Variants in PLCB4 observed in about 807,000 individuals in gnomAD.
PLCB4 encodes phospholipase C beta 4.
PLCB4 carries 77 observed loss-of-function variants against 178.8 expected under a neutral mutation model. The ratio of observed to expected loss-of-function variants is 0.43; its 90% CI spans 0.36 to 0.52. PLCB4 has a LOEUF of 0.52. Ranked by LOEUF, PLCB4 falls within the 20% of genes least tolerant of loss-of-function variation. The probability of loss-of-function intolerance (pLI) is 0.00; values close to 1 mark genes in which losing one functional copy is unlikely to be tolerated. For missense variants in PLCB4, 1,024 were observed against 1,453.4 expected (o/e 0.70, Z 4.80); for synonymous variants, 496 against 490.8 (o/e 1.01, Z -0.14).
intron 3 of PLCB4, among the ~76,000 whole-genome samples, chr20:9,300,147 T>C (rs1048581021): frequency 6.6e-6 from 1 of 152,170 alleles, no homozygotes; most frequent in Non-Finnish European, 1.5e-5. Flanking sequence ...TATTTAAAGA[T>C]TGAAGAGCAA....
intron 7 of PLCB4, among the ~76,000 whole-genome samples, chr20:9,356,092 C>T (rs1264826858): frequency 6.6e-6 from 1 of 152,162 alleles, no homozygotes; most frequent in Non-Finnish European, 1.5e-5. Flanking sequence ...GCATAAATGT[C>T]TTCTTTTGAG....
At position 9,373,033 on chromosome 20, in the gene PLCB4, A is replaced by T; in HGVS notation, c.687-14A>T. On this transcript the variant is annotated splice_polypyrimidine_tract_variant and intron_variant, in intron 11 of 39. Coordinates refer to ENST00000378473, the MANE Select transcript of PLCB4 (RefSeq NM_001377142.1). ...TATACAAAAACTTACTTTTTCTAAT[A>T]AATTTCTTTTCAGCAATGGAGACAA... 1 of 1,309,730 alleles carries T rather than the reference A, an allele frequency of 7.6e-7. No individual in the cohort carries two copies. Among genetic ancestry groups the T allele is most frequent in the Non-Finnish European group, 1.1e-6 (1 of 907,052 alleles). The allele number at this position is 1,309,730 out of a possible 1,614,324, so 81.1% of individuals were successfully genotyped here.
intron 35 of PLCB4, among the ~76,000 whole-genome samples, chr20:9,464,410 G>T (rs6140939): frequency 6.6e-6 from 1 of 151,986 alleles, no homozygotes; most frequent in Non-Finnish European, 1.5e-5. Context: ...GCTAGCAGAA[G>T]GCAAGAAATA....
intron 7 of PLCB4, among the ~76,000 whole-genome samples, chr20:9,361,542 A>G (rs912522743): frequency 2.6e-5 from 4 of 152,188 alleles, no homozygotes; most frequent in Non-Finnish European, 5.9e-5. Flanking sequence ...AGATGAAAAG[A>G]GTTCTGGAGA....
At chr20:9,213,128 C>CTGTTTTTT (rs2093690847) in intron 2 of PLCB4, among the ~76,000 whole-genome samples, 1 of 35,728 alleles carries the variant, frequency 2.8e-5, no homozygotes. Context: ...CGTTAGCATA[C>CTGTTTTTT]TTTTTTTTTT....
At chr20:9,314,288 A>AGAT (rs1265497318) in intron 4 of PLCB4, among the ~76,000 whole-genome samples, 1 of 152,194 alleles carries the variant, frequency 6.6e-6, no homozygotes, top group Non-Finnish European at 1.5e-5. Context: ...CTGGATGACC[A>AGAT]GTGACAAGTG....
intron 38 of PLCB4, among the ~76,000 whole-genome samples, chr20:9,473,760 A>C (rs1296277657): frequency 6.6e-6 from 1 of 152,132 alleles, no homozygotes; most frequent in Non-Finnish European, 1.5e-5. Flanking sequence ...CTATTTTCAA[A>C]CTCAATCTGA....
At chr20:9,263,805 G>A (rs1404011762) in intron 3 of PLCB4, among the ~76,000 whole-genome samples, 1 of 152,098 alleles carries the variant, frequency 6.6e-6, no homozygotes, top group Admixed American at 6.6e-5. Flanking sequence ...TAGTTTTTGT[G>A]TCCATCTTAT....
At chr20:9,081,990 A>T (rs1182107970) in intron 1 of PLCB4, among the ~76,000 whole-genome samples, 1 of 151,340 alleles carries the variant, frequency 6.6e-6, no homozygotes, top group Non-Finnish European at 1.5e-5. Flanking sequence ...ATTTCCCTGA[A>T]GATAAGTTAT....
At chr20:9,251,725 GACTGGCAATAATA>G (rs1277187205) in intron 3 of PLCB4, among the ~76,000 whole-genome samples, 1 of 85,938 alleles carries the variant, frequency 1.2e-5, no homozygotes, top group Non-Finnish European at 2.9e-5. Context: ...AATAATAAAT[GACTGGCAATAATA>G]AAGACCTCAA....
chr20:9,194,712 A>G (rs1042464738), intron 2 of PLCB4, among the ~76,000 whole-genome samples: 4 of 150,768 alleles, frequency 2.7e-5, no homozygotes, highest in African/African-American at 9.9e-5. Flanking sequence ...AAAAAAAAAA[A>G]AAAGAACCTT....
chr20:9,313,075 G>A (rs1471055986), intron 4 of PLCB4, among the ~76,000 whole-genome samples: 2 of 152,092 alleles, frequency 1.3e-5, no homozygotes, highest in African/African-American at 2.4e-5. Flanking sequence ...TGAAAAGAGG[G>A]ATGGCCATCT....
At chr20:9,341,756 T>TG (rs35830626) in intron 7 of PLCB4, among the ~76,000 whole-genome samples, 1 of 148,062 alleles carries the variant, frequency 6.8e-6, no homozygotes, top group African/African-American at 2.5e-5. Context: ...GGGTTGGGGG[T>TG]GGGGGGATGT....
At chr20:9,410,260 C>T (rs966483641) in intron 24 of PLCB4, among the ~76,000 whole-genome samples, 21 of 152,128 alleles carry the variant, frequency 1.4e-4, no homozygotes, top group African/African-American at 4.6e-4. Context: ...TAGACTGTGA[C>T]GTGATAGCTA....
At chr20:9,461,041 A>G (rs1264793943) in intron 35 of PLCB4, among the ~76,000 whole-genome samples, 2 of 152,178 alleles carry the variant, frequency 1.3e-5, no homozygotes, top group South Asian at 2.1e-4. Context: ...TCTGCCTTTG[A>G]TGATTGCTAC....
At chr20:9,438,843 TA>T (rs1286679431) in intron 30 of PLCB4, among the ~76,000 whole-genome samples, 1 of 152,136 alleles carries the variant, frequency 6.6e-6, no homozygotes, top group African/African-American at 2.4e-5. Context: ...AGACATAATT[TA>T]AGACATAAAA....
chr20:9,212,800 C>A, intron 2 of PLCB4, among the ~76,000 whole-genome samples: 1 of 152,118 alleles, frequency 6.6e-6, no homozygotes, highest in Non-Finnish European at 1.5e-5. Flanking sequence ...TTGGAAAAAG[C>A]TGACTGGCAA....
chr20:9,115,089 A>G (rs1052916851), intron 2 of PLCB4, among the ~76,000 whole-genome samples: 1 of 152,118 alleles, frequency 6.6e-6, no homozygotes, highest in African/African-American at 2.4e-5. Flanking sequence ...TGAGTAGGTG[A>G]AGGACTTTAT....
At chr20:9,265,431 C>T (rs867089270) in intron 3 of PLCB4, among the ~76,000 whole-genome samples, 2 of 152,018 alleles carry the variant, frequency 1.3e-5, no homozygotes, top group South Asian at 2.1e-4. Context: ...TGCAGTGAGC[C>T]GAGACTGTGA....
Sources: allele counts gnomAD v4.1 joint callset (sites outside exome capture counted in the v4.1 genomes callset), GRCh38; gene constraint gnomAD v4.1.1; transcripts MANE v1.5; gene names NCBI Gene and HGNC (gene_info 2026-07-23, HGNC 2026-07-21).